The following AUTS2 variants were observed in gnomAD, a reference collection of about 807,000 sequenced individuals.
The protein encoded by AUTS2 is activator of transcription and developmental regulator AUTS2.
AUTS2 carries 17 observed loss-of-function variants against 112.4 expected under a neutral mutation model. The observed-to-expected ratio is 0.15, with a 90% CI of 0.10 to 0.23. The LOEUF (loss-of-function observed/expected upper bound fraction) is 0.23. Ranked by LOEUF, AUTS2 falls within the 10% of genes least tolerant of loss-of-function variation. The probability of loss-of-function intolerance (pLI) is 1.00; values close to 1 mark genes in which losing one functional copy is unlikely to be tolerated. For missense variants in AUTS2, 1,510 were observed against 1,701.6 expected (o/e 0.89, Z 1.98); for synonymous variants, 751 against 702.7 (o/e 1.07, Z -1.09).
At chr7:70,661,617 A>G (rs1270796654) in intron 5 of AUTS2, among the ~76,000 whole-genome samples, 2 of 152,234 alleles carry the variant, frequency 1.3e-5, no homozygotes, top group Admixed American at 6.5e-5. Context: ...ATGAGACAGT[A>G]CTTTCTGTAC....
intron 1 of AUTS2, among the ~76,000 whole-genome samples, chr7:69,694,293 T>A (rs1797464281): frequency 6.6e-6 from 1 of 152,196 alleles, no homozygotes; most frequent in Non-Finnish European, 1.5e-5. Context: ...TGTTTAATTT[T>A]TGAAAGCCCT....
intron 4 of AUTS2, among the ~76,000 whole-genome samples, chr7:70,169,341 C>T (rs747202651): frequency 5.3e-5 from 8 of 151,960 alleles, no homozygotes; most frequent in African/African-American, 1.2e-4. Context: ...CCTGAGTTCA[C>T]GCCATTCTCT....
intron 1 of AUTS2, among the ~76,000 whole-genome samples, chr7:69,768,443 C>T (rs1052021482): frequency 1.3e-5 from 2 of 152,146 alleles, no homozygotes; most frequent in African/African-American, 4.8e-5. Flanking sequence ...AGTTCAAACC[C>T]TGGAGTGTAG....
At chr7:69,653,207 T>G (rs1795371607) in intron 1 of AUTS2, among the ~76,000 whole-genome samples, 1 of 152,220 alleles carries the variant, frequency 6.6e-6, no homozygotes, top group Non-Finnish European at 1.5e-5. Context: ...CTCTGCCTGT[T>G]ACTCTTCTCA....
intron 5 of AUTS2, among the ~76,000 whole-genome samples, chr7:70,659,949 G>A (rs1411891722): frequency 2.0e-5 from 3 of 152,078 alleles, no homozygotes; most frequent in African/African-American, 4.8e-5. Flanking sequence ...GGCCAAGGCA[G>A]GTGGATCATT....
At chr7:70,423,763 C>T (rs1038653114) in intron 4 of AUTS2, among the ~76,000 whole-genome samples, 14 of 151,784 alleles carry the variant, frequency 9.2e-5, no homozygotes, top group African/African-American at 2.7e-4. Context: ...TTGCTCACTT[C>T]GTTGAGAGGG....
chr7:69,648,209 T>C (rs1795122293), intron 1 of AUTS2, among the ~76,000 whole-genome samples: 1 of 152,142 alleles, frequency 6.6e-6, no homozygotes, highest in South Asian at 2.1e-4. Context: ...CTGTACATAA[T>C]TCATCAAGAG....
At chr7:69,944,209 G>A (rs564807680) in intron 2 of AUTS2, among the ~76,000 whole-genome samples, 1 of 152,164 alleles carries the variant, frequency 6.6e-6, no homozygotes, top group South Asian at 2.1e-4. Flanking sequence ...GCTCACTTCA[G>A]CTCTCTAAGA....
At chr7:70,124,058 G>T (rs1327141516) in intron 3 of AUTS2, among the ~76,000 whole-genome samples, 1 of 152,192 alleles carries the variant, frequency 6.6e-6, no homozygotes, top group Non-Finnish European at 1.5e-5. Context: ...TGACTGGTGA[G>T]ATGATATCTC....
At chr7:70,182,531 A>G (rs1809372481) in intron 4 of AUTS2, among the ~76,000 whole-genome samples, 1 of 152,248 alleles carries the variant, frequency 6.6e-6, no homozygotes, top group Admixed American at 6.5e-5. Context: ...ATAATAATTT[A>G]TAATCAAATC....
At chr7:70,415,551 C>CA (rs796090407) in intron 4 of AUTS2, among the ~76,000 whole-genome samples, 6 of 150,836 alleles carry the variant, frequency 4.0e-5, no homozygotes, top group African/African-American at 9.7e-5. Flanking sequence ...CTCATGCAGA[C>CA]AAAAAAAAAG....
At chr7:69,955,345 A>G (rs1797172774) in intron 2 of AUTS2, among the ~76,000 whole-genome samples, 1 of 152,102 alleles carries the variant, frequency 6.6e-6, no homozygotes. Context: ...TCTTTGCTAT[A>G]TGTCTTGTTG....
intron 5 of AUTS2, among the ~76,000 whole-genome samples, chr7:70,468,959 C>G (rs1247773301): frequency 6.6e-6 from 1 of 152,158 alleles, no homozygotes; most frequent in African/African-American, 2.4e-5. Flanking sequence ...GATGGTCGCT[C>G]TACAGTTTCG....
intron 5 of AUTS2, among the ~76,000 whole-genome samples, chr7:70,697,544 T>C (rs944770827): frequency 6.7e-6 from 1 of 148,516 alleles, no homozygotes; most frequent in Non-Finnish European, 1.5e-5. Flanking sequence ...AGTCAAAATA[T>C]GCTGCACTTC....
At chr7:69,603,937 C>G (rs1792572826) in intron 1 of AUTS2, among the ~76,000 whole-genome samples, 1 of 152,094 alleles carries the variant, frequency 6.6e-6, no homozygotes. Context: ...CACGTGAGTA[C>G]CATGGCTGAA....
chr7:70,553,756 CTTTCT>C (rs1801114373), intron 5 of AUTS2, among the ~76,000 whole-genome samples: 1 of 98,128 alleles, frequency 1.0e-5, no homozygotes, highest in Non-Finnish European at 2.1e-5. Context: ...AGAGGCCTTT[CTTTCT>C]TTTTTTTTTT....
rs56244002 is a variant in AUTS2, at chr7:70,731,420, C to CTTTTTTTTT, written c.743-31431_743-31423dup. On this transcript the variant is annotated intron_variant, in intron 6 of 18. Transcript: ENST00000342771. ...GCTCATATATCCCCTTTACCCAGAT[C>CTTTTTTTTT]TTTTTTTTTTTTTTTTTTTTTTTTT... Among the ~76,000 whole-genome samples, 14 of 69,508 alleles carry CTTTTTTTTT rather than the reference C, an allele frequency of 2.0e-4. 1 individual carries two copies. Among genetic ancestry groups the CTTTTTTTTT allele is most frequent in the East Asian group, 1.1e-3 (2 of 1,798 alleles). 45.6% of individuals were successfully genotyped at this position (69,508 alleles called of 152,430 possible).
rs560273868 is a variant in AUTS2, at chr7:70,738,314, C to T, written c.743-24556C>T. Among the ~76,000 whole-genome samples the T allele has an allele frequency of 4.4e-4, 67 of 151,636 alleles. 1 individual carries two copies. Among genetic ancestry groups the T allele is most frequent in the Non-Finnish European group, 5.0e-4 (34 of 67,982 alleles). On this transcript the variant is annotated intron_variant, in intron 6 of 18. Transcript: ENST00000342771. ...CTCTCCAATTGGCCAGAGAAATGGG[C>T]GTTGCTGCTGGAGCAGATGAAAAGG...
intron 1 of AUTS2, among the ~76,000 whole-genome samples, chr7:69,739,513 C>T (rs1226297602): frequency 6.6e-6 from 1 of 152,098 alleles, no homozygotes; most frequent in Non-Finnish European, 1.5e-5. Context: ...TGGGGACAAA[C>T]AGGATAGCTC....
Sources: allele counts gnomAD v4.1 joint callset (sites outside exome capture counted in the v4.1 genomes callset), GRCh38; gene constraint gnomAD v4.1.1; transcripts MANE v1.5; gene names NCBI Gene and HGNC (gene_info 2026-07-23, HGNC 2026-07-21).